The following ATP8A2 variants were observed in gnomAD, a reference collection of about 807,000 sequenced individuals.
ATP8A2 encodes ATPase phospholipid transporting 8A2, also known as phospholipid-transporting ATPase IB.
ATP8A2 carries 100 observed loss-of-function variants against 165.6 expected under a neutral mutation model. The observed-to-expected ratio is 0.60, with a 90% CI of 0.51 to 0.71. The LOEUF (loss-of-function observed/expected upper bound fraction) is 0.71. ATP8A2 is among the 30% of genes least tolerant of loss of function. The pLI, the probability that ATP8A2 is intolerant of heterozygous loss-of-function variation, is 0.00. For missense variants in ATP8A2, 1,227 were observed against 1,479.5 expected (o/e 0.83, Z 2.80); for synonymous variants, 543 against 548.8 (o/e 0.99, Z 0.15).
intron 30 of ATP8A2, among the ~76,000 whole-genome samples, chr13:25,859,296 C>G (rs1952270673): frequency 6.6e-6 from 1 of 152,076 alleles, no homozygotes; most frequent in Non-Finnish European, 1.5e-5. Context: ...CATTTGTACT[C>G]CAGACCTCAG....
chr13:25,674,404 A>T (rs1165581941), intron 24 of ATP8A2, among the ~76,000 whole-genome samples: 2 of 152,144 alleles, frequency 1.3e-5, no homozygotes, highest in Non-Finnish European at 2.9e-5. Context: ...TATCGTTTCC[A>T]TTCCAGTTAG....
rs1395985479 is a variant in ATP8A2, at chr13:25,896,742, G to A, written c.3183+34334G>A. Among the ~76,000 whole-genome samples, 853 of 152,244 alleles carry A rather than the reference G, an allele frequency of 5.6e-3. 8 individuals are homozygous for A. The highest frequency in any genetic ancestry group is 0.02 in the African/African-American group (823 of 41,532). On this transcript the variant is annotated intron_variant, in intron 33 of 36. Transcript: ENST00000381655. ...CTGTATTGGGTGCATATATATTTAG[G>A]ATAGTTAGTTCTTCTTGTTGAATTG...
intron 35 of ATP8A2, among the ~76,000 whole-genome samples, chr13:25,981,682 G>A (rs1956172802): frequency 6.6e-6 from 1 of 151,996 alleles, no homozygotes; most frequent in African/African-American, 2.4e-5. Flanking sequence ...TATAAAAAAT[G>A]CAATTTAAAA....
intron 2 of ATP8A2, among the ~76,000 whole-genome samples, chr13:25,487,252 C>T (rs1016743971): frequency 2.6e-5 from 4 of 152,180 alleles, no homozygotes; most frequent in East Asian, 1.9e-4. Context: ...ATGTACCTCT[C>T]ATTTCCTGTT....
intron 1 of ATP8A2, among the ~76,000 whole-genome samples, chr13:25,388,977 A>C (rs1239739543): frequency 1.3e-5 from 2 of 152,184 alleles, no homozygotes; most frequent in African/African-American, 2.4e-5. Flanking sequence ...TGTGGTGTGG[A>C]AGAAATGCAG....
chr13:25,890,634 G>A (rs1250942926), intron 33 of ATP8A2, among the ~76,000 whole-genome samples: 2 of 152,068 alleles, frequency 1.3e-5, no homozygotes, highest in Non-Finnish European at 2.9e-5. Context: ...CACAATAATT[G>A]TTTTCTTCAT....
chr13:25,949,071 G>T (rs1287482916), intron 33 of ATP8A2, among the ~76,000 whole-genome samples: 1 of 152,224 alleles, frequency 6.6e-6, no homozygotes, highest in Non-Finnish European at 1.5e-5. Flanking sequence ...GGAGGGGTGA[G>T]CAAAGTACCT....
intron 33 of ATP8A2, among the ~76,000 whole-genome samples, chr13:25,946,700 G>T (rs192609287): frequency 5.1e-4 from 77 of 152,192 alleles, no homozygotes; most frequent in South Asian, 8.3e-4. Flanking sequence ...GCTAGTTTTA[G>T]GTAAAAATAA....
chr13:25,901,730 A>T (rs1015213488), intron 33 of ATP8A2, among the ~76,000 whole-genome samples: 3 of 152,204 alleles, frequency 2.0e-5, no homozygotes, highest in African/African-American at 7.2e-5. Context: ...ATTAGAGTTC[A>T]CTCTAGATCG....
At chr13:25,708,413 T>G (rs78556296) in intron 25 of ATP8A2, among the ~76,000 whole-genome samples, 9,601 of 152,284 alleles carry the variant, frequency 0.063, 949 homozygotes, top group African/African-American at 0.21. Flanking sequence ...CTGACAACAC[T>G]GACACCTTTC....
At chr13:25,753,461 G>A (rs2044197083) in intron 25 of ATP8A2, among the ~76,000 whole-genome samples, 1 of 152,174 alleles carries the variant, frequency 6.6e-6, no homozygotes, top group African/African-American at 2.4e-5. Flanking sequence ...GCAATGCATA[G>A]CTGCAAATTT....
At chr13:25,929,001 G>C (rs1038629555) in intron 33 of ATP8A2, among the ~76,000 whole-genome samples, 2 of 152,036 alleles carry the variant, frequency 1.3e-5, no homozygotes, top group Admixed American at 1.3e-4. Context: ...TATCTTCTCT[G>C]TCTTTTTTGG....
At chr13:25,722,868 T>C (rs1478137415) in intron 25 of ATP8A2, among the ~76,000 whole-genome samples, 1 of 152,238 alleles carries the variant, frequency 6.6e-6, no homozygotes, top group Non-Finnish European at 1.5e-5. Flanking sequence ...CTTCATAGTT[T>C]CTATAATGAA....
intron 33 of ATP8A2, among the ~76,000 whole-genome samples, chr13:25,935,031 A>G (rs554025122): frequency 2.0e-5 from 3 of 152,214 alleles, no homozygotes; most frequent in Admixed American, 2.0e-4. Flanking sequence ...CTAAGTGCTA[A>G]GGATGCTACT....
At chr13:25,616,600 G>A (rs2040834176) in intron 24 of ATP8A2, among the ~76,000 whole-genome samples, 1 of 152,108 alleles carries the variant, frequency 6.6e-6, no homozygotes, top group African/African-American at 2.4e-5. Context: ...CCAAAGTGCT[G>A]GGATTATAGG....
At position 25,525,236 on chromosome 13, in the gene ATP8A2, G is replaced by C. The variant is rs116731348; in HGVS notation, c.222-4763G>C. On this transcript the variant is annotated intron_variant, in intron 2 of 36. Coordinates refer to ENST00000381655, the MANE Select transcript of ATP8A2 (RefSeq NM_016529.6). ...TTGATTTTTTTGTTACCTCAATTTG[G>C]ATATATTTATACTGCCTATTTTTTA... Among the ~76,000 whole-genome samples the C allele has an allele frequency of 3.2e-3, 488 of 151,954 alleles. 5 individuals carry two copies. Among genetic ancestry groups the C allele is most frequent in the African/African-American group, 0.011 (464 of 41,468 alleles).
At chr13:25,682,619 A>T (rs2042515979) in intron 24 of ATP8A2, among the ~76,000 whole-genome samples, 1 of 152,166 alleles carries the variant, frequency 6.6e-6, no homozygotes, top group Non-Finnish European at 1.5e-5. Context: ...GAGTTTCTGC[A>T]GGCTGGCCGA....
At chr13:25,548,241 C>G (rs2038713555) in intron 10 of ATP8A2, among the ~76,000 whole-genome samples, 1 of 152,018 alleles carries the variant, frequency 6.6e-6, no homozygotes, top group African/African-American at 2.4e-5. Context: ...AACAAACAAA[C>G]AAACAAAACA....
chr13:25,821,671 T>G (rs1951184877), intron 27 of ATP8A2, among the ~76,000 whole-genome samples: 1 of 152,222 alleles, frequency 6.6e-6, no homozygotes, highest in South Asian at 2.1e-4. Context: ...TAAACTTATT[T>G]CTTTAGTCTA....
Sources: gnomAD v4.1 joint callset for allele counts (sites outside exome capture counted in the v4.1 genomes callset) on GRCh38, gnomAD v4.1.1 for gene constraint, MANE v1.5 for transcripts, NCBI Gene and HGNC (gene_info 2026-07-23, HGNC 2026-07-21) for gene names.